The following DSE variants were observed in gnomAD, a reference collection of about 807,000 sequenced individuals.
DSE encodes the protein dermatan-sulfate epimerase.
A neutral mutation model predicts 84.4 loss-of-function variants in DSE; 36 were observed. The observed-to-expected ratio is 0.43, with a 90% CI of 0.33 to 0.56. The LOEUF is 0.56. DSE is among the 20% of genes least tolerant of loss of function. DSE has a pLI of 0.06. For synonymous variants in DSE, 410 were observed against 430.1 expected (o/e 0.95, Z 0.58); for missense variants, 862 against 1,169.6 (o/e 0.74, Z 3.84).
At chr6:116,411,260 A>G (rs1235117803) in intron 2 of DSE, among the ~76,000 whole-genome samples, 1 of 152,226 alleles carries the variant, frequency 6.6e-6, no homozygotes, top group African/African-American at 2.4e-5. Flanking sequence ...TGTTGATGAT[A>G]GAAAAATGCA....
At position 116,439,390 on chromosome 6, in the gene DSE, A is replaced by G. The variant is rs576060242; in HGVS notation, c.*2045A>G. Reference sequence around the variant, plus strand: ...TAGTTCATTTTAAAGTAGTCTTTTTAAAATACGCATCTTTAAAACAAAATG... The same window carrying G: ...TAGTTCATTTTAAAGTAGTCTTTTTGAAATACGCATCTTTAAAACAAAATG... On this transcript the variant is annotated 3_prime_UTR_variant, in exon 6 of 6. Transcript: ENST00000644252. 1.1e-4 allele frequency: 16 copies of G among 152,074 alleles called. No individual in the cohort carries two copies. Among genetic ancestry groups the G allele is most frequent in the Admixed American group, 3.3e-4 (5 of 15,254 alleles). 9.4% of individuals were successfully genotyped at this position (152,074 alleles called of 1,614,324 possible).
Position 116,437,485 on chromosome 6 carries a change from A to G in DSE, c.*140A>G. On this transcript the variant is annotated 3_prime_UTR_variant, in exon 6 of 6. Transcript: ENST00000644252. ...TAAGGGAAGATATTTTGACACAAGA[A>G]AGCAGGAACGTGGAGAAATTGGAGC... 1.3e-6 allele frequency: 1 copy of G among 791,260 alleles called. No homozygotes were observed. Among genetic ancestry groups the G allele is most frequent in the East Asian group, 2.8e-5 (1 of 35,576 alleles). The allele number at this position is 791,260 out of a possible 1,614,324, so 49.0% of individuals were successfully genotyped here. A position where few individuals can be genotyped will look rare whatever the true frequency, so the allele number is the denominator to read the frequency against.
At chr6:116,377,092 G>A (rs1779971617) in intron 1 of DSE, among the ~76,000 whole-genome samples, 1 of 152,148 alleles carries the variant, frequency 6.6e-6, no homozygotes, top group African/African-American at 2.4e-5. Context: ...AATTGAATAG[G>A]TATACAGTCA....
intron 2 of DSE, among the ~76,000 whole-genome samples, chr6:116,264,606 A>C (rs1772542078): frequency 6.6e-6 from 1 of 152,056 alleles, no homozygotes; most frequent in South Asian, 2.1e-4. Flanking sequence ...CAGAACCCTT[A>C]CTGGAGATGT....
chr6:116,290,582 CAAAT>C (rs776203616), intron 2 of DSE, among the ~76,000 whole-genome samples: 79 of 152,142 alleles, frequency 5.2e-4, no homozygotes, highest in Middle Eastern at 6.8e-3. Flanking sequence ...AGAGCTCTAG[CAAAT>C]AAATATTTTA....
At position 116,429,677 on chromosome 6, in the gene DSE, G is replaced by A. The variant is rs189288952; in HGVS notation, c.671-1277G>A. Among the ~76,000 whole-genome samples the A allele has an allele frequency of 9.2e-4, 13 of 14,094 alleles. 3 individuals are homozygous for A. The highest frequency in any genetic ancestry group is 7.0e-3 in the East Asian group (12 of 1,720). 9.2% of individuals were successfully genotyped at this position (14,094 alleles called of 152,430 possible). The stretch of plus-strand genomic sequence containing the variant: ...GAAATATGAGGAGTTGGCCGGGCGC[G>A]GTGGCTCACGCTTGTAATCCCAGCA... On this transcript the variant is annotated intron_variant, in intron 3 of 5. Transcript: ENST00000644252.
At chr6:116,282,061 A>AT (rs1375465725) in intron 2 of DSE, among the ~76,000 whole-genome samples, 2 of 152,270 alleles carry the variant, frequency 1.3e-5, no homozygotes, top group African/African-American at 4.8e-5. Flanking sequence ...GTGAGTTTAC[A>AT]TATCAAAGCC....
Position 116,294,981 on chromosome 6 carries a change from C to T in DSE, c.-54+36014C>T, listed in dbSNP as rs534343753. Among the ~76,000 whole-genome samples the T allele has an allele frequency of 5.9e-5, 9 of 152,222 alleles. No homozygotes were observed. The Middle Eastern group carries it at 0.01, about 173-fold the overall frequency. ...AGTATGATAAGTGATGAGGATTTAA[C>T]GATAAAAGACACTGTTCATGCCCTC... is the stretch of plus-strand genomic sequence containing the variant. On this transcript the variant is annotated intron_variant, in intron 2 of 3. Coordinates refer to the DSE transcript ENST00000430252.
upstream of DSE, chr6:116,370,550 G>A (rs1779469687): frequency 1.0e-6 from 1 of 970,322 alleles, no homozygotes; most frequent in Non-Finnish European, 1.2e-6. Flanking sequence ...TAGTATGGAA[G>A]CATCAGCTCC....
intron 2 of DSE, among the ~76,000 whole-genome samples, chr6:116,309,164 C>T (rs1775517350): frequency 6.6e-6 from 1 of 152,170 alleles, no homozygotes; most frequent in Non-Finnish European, 1.5e-5. Context: ...TTAGAATCAT[C>T]TGTTGTGCTA....
chr6:116,307,534 A>T (rs572412676), intron 2 of DSE, among the ~76,000 whole-genome samples: 4 of 152,216 alleles, frequency 2.6e-5, no homozygotes, highest in Non-Finnish European at 5.9e-5. Context: ...GCTTATAATA[A>T]TTGAGAAGTT....
chr6:116,394,945 G>A (rs1781144951), intron 1 of DSE, among the ~76,000 whole-genome samples: 1 of 152,218 alleles, frequency 6.6e-6, no homozygotes, highest in Non-Finnish European at 1.5e-5. Context: ...CTCTTGAACT[G>A]GGCGAAGTGC....
At chr6:116,307,308 C>T (rs960796799) in intron 2 of DSE, among the ~76,000 whole-genome samples, 3 of 152,108 alleles carry the variant, frequency 2.0e-5, no homozygotes, top group African/African-American at 7.2e-5. Flanking sequence ...GAATTTGTGA[C>T]AAGATAATTT....
intron 2 of DSE, among the ~76,000 whole-genome samples, chr6:116,309,266 G>T (rs1291742898): frequency 6.6e-6 from 1 of 152,014 alleles, no homozygotes; most frequent in Non-Finnish European, 1.5e-5. Flanking sequence ...TTCCAAGATG[G>T]TCTAGAAAAT....
intron 2 of DSE, among the ~76,000 whole-genome samples, chr6:116,420,943 T>C (rs1324197042): frequency 6.6e-6 from 1 of 152,216 alleles, no homozygotes; most frequent in Admixed American, 6.5e-5. Context: ...ATACATAATA[T>C]TTTAAAAAGC....
chr6:116,431,520 A>G (rs1174368598), intron 4 of DSE, among the ~76,000 whole-genome samples: 1 of 152,192 alleles, frequency 6.6e-6, no homozygotes, highest in Non-Finnish European at 1.5e-5. Context: ...CAAGCAAAAT[A>G]TAAACATTTG....
At chr6:116,392,727 A>G (rs1285768693) in intron 1 of DSE, among the ~76,000 whole-genome samples, 1 of 152,142 alleles carries the variant, frequency 6.6e-6, no homozygotes, top group East Asian at 1.9e-4. Flanking sequence ...GGCCTTTCCC[A>G]TTGCCTTTGT....
intron 2 of DSE, among the ~76,000 whole-genome samples, chr6:116,263,109 C>T (rs1348487251): frequency 2.6e-5 from 4 of 152,138 alleles, no homozygotes; most frequent in Non-Finnish European, 5.9e-5. Flanking sequence ...GTGGAGAGTT[C>T]TGTAGATGTC....
intron 2 of DSE, among the ~76,000 whole-genome samples, chr6:116,359,711 G>C (rs978881494): frequency 1.3e-5 from 2 of 152,172 alleles, no homozygotes; most frequent in African/African-American, 4.8e-5. Flanking sequence ...AGGTAATATG[G>C]TTAAGTGGAA....
Sources: gnomAD v4.1 joint callset for allele counts (sites outside exome capture counted in the v4.1 genomes callset) on GRCh38, gnomAD v4.1.1 for gene constraint, MANE v1.5 for transcripts, NCBI Gene and HGNC (gene_info 2026-07-23, HGNC 2026-07-21) for gene names.